PTPRN2: variants seen among roughly 807,000 people sequenced by gnomAD.
The protein encoded by PTPRN2 is receptor-type tyrosine-protein phosphatase N2.
In PTPRN2, 74 loss-of-function variants were observed where a neutral mutation model predicts 118.8. The ratio of observed to expected loss-of-function variants is 0.62; its 90% confidence interval spans 0.52 to 0.76. PTPRN2 has a LOEUF of 0.76. Ranked by LOEUF, PTPRN2 falls within the 30% of genes least tolerant of loss-of-function variation. The pLI, the probability that PTPRN2 is intolerant of heterozygous loss-of-function variation, is 0.00. For missense variants in PTPRN2, 1,481 were observed against 1,394.4 expected (o/e 1.06, Z -0.99); for synonymous variants, 641 against 608.0 (o/e 1.05, Z -0.80).
At chr7:157,938,542 G>T (rs57364958) in intron 11 of PTPRN2, among the ~76,000 whole-genome samples, 25,606 of 152,210 alleles carry the variant, frequency 0.17, 2,296 homozygotes, top group Non-Finnish European at 0.19. Context: ...GAGGCTGCCT[G>T]TCTGCTCAGG....
At chr7:157,677,374 C>T (rs1796718781) in intron 13 of PTPRN2, among the ~76,000 whole-genome samples, 1 of 152,100 alleles carries the variant, frequency 6.6e-6, no homozygotes, top group South Asian at 2.1e-4. Flanking sequence ...TTGCTGTACC[C>T]CAACGAGCAG....
Position 157,881,344 on chromosome 7 carries a change from A to C in PTPRN2, c.1788+17329T>G, listed in dbSNP as rs1473909994. On this transcript the variant is annotated intron_variant, in intron 12 of 22. Coordinates refer to ENST00000389418, the MANE Select transcript of PTPRN2 (RefSeq NM_002847.5). The surrounding 1 kb of genome is among the most constrained non-coding windows in gnomAD (Gnocchi z 4.7). Reference sequence around the variant, plus strand: ...CCCATGTGACTGGCATCCTTGTAGGAAGGAGATGCAGACACAGGTGCACAC... The same window carrying C: ...CCCATGTGACTGGCATCCTTGTAGGCAGGAGATGCAGACACAGGTGCACAC... 2.6e-5 allele frequency among the ~76,000 whole-genome samples: 4 copies of C among 151,324 alleles called. No individual in the cohort carries two copies. The highest frequency in any genetic ancestry group is 5.9e-5 in the Non-Finnish European group (4 of 67,880).
chr7:158,085,374 CCA>C (rs1388535170), intron 10 of PTPRN2, among the ~76,000 whole-genome samples: 7 of 109,312 alleles, frequency 6.4e-5, no homozygotes, highest in Non-Finnish European at 9.4e-5. Context: ...CGACGCCCAT[CCA>C]CACATGCCCA....
rs1317442742 is a variant in PTPRN2, at chr7:158,587,662, G to T, written c.8C>A (p.Pro3Gln). 2.2e-6 allele frequency: 3 copies of T among 1,346,358 alleles called. No homozygotes were observed. Among genetic ancestry groups the T allele is most frequent in the Non-Finnish European group, 2.9e-6 (3 of 1,051,438 alleles). The allele number at this position is 1,346,358 out of a possible 1,614,324, so 83.4% of individuals were successfully genotyped here. The change falls in exon 1 of 23, where the codon CCG becomes CAG. Residue 3 changes from proline to glutamine, a missense_variant. Pro to Gln is a moderately conservative substitution (Grantham distance 76). Transcript: ENST00000389418. MG[P>Q]PLPLLLLLLL... is the part of the protein sequence containing the mutation. ...TAGCAGCAGCAGCAGCGGGAGCGGC[G>T]GCCCCATCCCCGCGGCCTGGCCGGC...
At chr7:158,446,614 G>A (rs1258453939) in intron 2 of PTPRN2, among the ~76,000 whole-genome samples, 3 of 152,372 alleles carry the variant, frequency 2.0e-5, no homozygotes, top group South Asian at 2.1e-4. Flanking sequence ...ATGGACACAC[G>A]GAGCAGCTTG....
intron 1 of PTPRN2, among the ~76,000 whole-genome samples, chr7:158,523,495 TCTGCCCTGGAGTGGAGTCG>T (rs1824413860): frequency 1.0e-5 from 1 of 97,996 alleles, no homozygotes; most frequent in South Asian, 4.3e-4. Context: ...AGTGGAGTCG[TCTGCCCTGGAGTGGAGTCG>T]TCTGCCCTGG....
chr7:158,131,575 TA>T (rs1286765903), intron 9 of PTPRN2, among the ~76,000 whole-genome samples: 1 of 126,668 alleles, frequency 7.9e-6, no homozygotes, highest in Non-Finnish European at 1.6e-5. Context: ...CTACCCGACA[TA>T]CACACTCATA....
chr7:158,321,253 C>T (rs962278782), intron 2 of PTPRN2, among the ~76,000 whole-genome samples: 8 of 152,258 alleles, frequency 5.3e-5, no homozygotes, highest in Non-Finnish European at 1.2e-4. Context: ...GTCGCCTCAC[C>T]GCCGACCATT....
In PTPRN2 at chr7:158,338,726, C is replaced by G. The variant is rs574488575; in HGVS notation, c.164-21794G>C. Among the ~76,000 whole-genome samples, 126 of 15,532 alleles carry G rather than the reference C, an allele frequency of 8.1e-3. 41 individuals carry two copies. The South Asian group carries it at 0.084, about 10-fold the overall frequency. 10.2% of individuals were successfully genotyped at this position (15,532 alleles called of 152,430 possible). ...TGCAAACGTCACTCACACCCACATTCTCACCATAAGAAGTGACACCTGCAA... is the reference window on the plus strand; with the variant it reads ...TGCAAACGTCACTCACACCCACATTGTCACCATAAGAAGTGACACCTGCAA... On this transcript the variant is annotated intron_variant, in intron 2 of 22. Coordinates refer to ENST00000389418, the MANE Select transcript of PTPRN2 (RefSeq NM_002847.5).
intron 12 of PTPRN2, among the ~76,000 whole-genome samples, chr7:157,701,362 C>T (rs1368282650): frequency 6.6e-6 from 1 of 152,186 alleles, no homozygotes; most frequent in Non-Finnish European, 1.5e-5. Context: ...CCAAGCCTCC[C>T]CCCAGTAATA....
intron 2 of PTPRN2, among the ~76,000 whole-genome samples, chr7:158,395,289 G>C (rs1305320628): frequency 4.1e-4 from 4 of 9,790 alleles, no homozygotes; most frequent in Admixed American, 1.3e-3. Context: ...ACAAGTGAGG[G>C]GTGAGGGGTG....
intron 5 of PTPRN2, among the ~76,000 whole-genome samples, chr7:158,178,320 A>G (rs1263144764): frequency 1.3e-5 from 2 of 152,124 alleles, no homozygotes; most frequent in African/African-American, 2.4e-5. Context: ...CATTGTACCC[A>G]ATATGTAGGT....
At chr7:157,776,398 TCTCCTCCTCCTCCTCCTCTTCCTCC>T (rs1563096574) in intron 12 of PTPRN2, among the ~76,000 whole-genome samples, 1 of 30,350 alleles carries the variant, frequency 3.3e-5, no homozygotes. Context: ...TCCTCCTCCA[TCTCCTCCTCCTCCTCCTCTTCCTCC>T]CTCCTCTGTC....
At position 158,171,139 on chromosome 7, in the gene PTPRN2, CACAT is replaced by C. The variant is rs1563554666; in HGVS notation, c.550-3852_550-3849del. 1.9e-3 allele frequency among the ~76,000 whole-genome samples: 164 copies of C among 85,774 alleles called. 1 individual carries two copies. The highest frequency in any genetic ancestry group is 0.015 in the South Asian group (40 of 2,646). The allele number at this position is 85,774 out of a possible 152,430, so 56.3% of individuals were successfully genotyped here. ...ACACACATATATACACATATATACACACATATATATACACATATATATACACACA... is the reference window on the plus strand; with the variant it reads ...ACACACATATATACACATATATACACATATATACACATATATATACACACA... On this transcript the variant is annotated intron_variant, in intron 5 of 22. Coordinates refer to ENST00000389418, the MANE Select transcript of PTPRN2 (RefSeq NM_002847.5).
At chr7:157,999,061 C>T (rs1217764872) in intron 11 of PTPRN2, among the ~76,000 whole-genome samples, 2 of 151,858 alleles carry the variant, frequency 1.3e-5, no homozygotes, top group Admixed American at 6.6e-5. Flanking sequence ...TCCGAGCGGC[C>T]GTAGGGGTCC....
At chr7:157,942,538 G>T (rs1800211179) in intron 11 of PTPRN2, among the ~76,000 whole-genome samples, 2 of 152,092 alleles carry the variant, frequency 1.3e-5, no homozygotes, top group Non-Finnish European at 2.9e-5. Flanking sequence ...TTTTTCAGAT[G>T]TCAAGCAGGA....
intron 3 of PTPRN2, among the ~76,000 whole-genome samples, chr7:158,280,819 G>A (rs1799373594): frequency 6.6e-6 from 1 of 152,250 alleles, no homozygotes; most frequent in Admixed American, 6.5e-5. Context: ...GGTCTCCCGA[G>A]ACTGAAATGA....
intron 9 of PTPRN2, among the ~76,000 whole-genome samples, chr7:158,130,337 G>C (rs1286803977): frequency 6.6e-6 from 1 of 152,006 alleles, no homozygotes; most frequent in African/African-American, 2.4e-5. Context: ...ACATCATACT[G>C]ATACACATCT....
At chr7:158,482,741 T>G (rs180854746) in intron 2 of PTPRN2, among the ~76,000 whole-genome samples, 28 of 152,222 alleles carry the variant, frequency 1.8e-4, no homozygotes, top group Non-Finnish European at 1.9e-4. Flanking sequence ...AAATCAGTGG[T>G]TTTTTTTATA....
Sources: gnomAD v4.1 joint callset for allele counts (sites outside exome capture counted in the v4.1 genomes callset) on GRCh38, gnomAD v4.1.1 for gene constraint, Gnocchi (gnomAD v3.1) non-coding constraint, MANE v1.5 for transcripts, NCBI Gene and HGNC (gene_info 2026-07-23, HGNC 2026-07-21) for gene names.